Variants in MLIP observed in about 807,000 individuals in gnomAD.
MLIP encodes muscular LMNA interacting protein.
MLIP carries 79 observed loss-of-function variants against 84.8 expected under a neutral mutation model. The observed-to-expected ratio is 0.93, with a 90% confidence interval of 0.78 to 1.12. The LOEUF (loss-of-function observed/expected upper bound fraction) is 1.12. MLIP is among the 50% of genes most tolerant of loss of function. The pLI, the probability that MLIP is intolerant of heterozygous loss-of-function variation, is 0.00. For missense variants in MLIP, 1,257 were observed against 1,160.6 expected, an observed-to-expected ratio of 1.08 and a Z score of -1.21; for synonymous variants, 504 against 463.0, an observed-to-expected ratio of 1.09 and a Z score of -1.14.
intron 9 of MLIP, among the ~76,000 whole-genome samples, chr6:54,173,798 G>C (rs1451624240): frequency 1.3e-5 from 2 of 151,650 alleles, no homozygotes; most frequent in Non-Finnish European, 2.9e-5. Flanking sequence ...AATTATTATT[G>C]ATTGTGCTAT....
Position 54,064,614 on chromosome 6 carries a change from C to G in MLIP, c.63+45523C>G, listed in dbSNP as rs1289539128. ...AAATAAGAGTCAGGAACACCTAACA[C>G]AAAGAAGTTAATTTACAATTACACT... On this transcript the variant is annotated intron_variant, in intron 1 of 12. Coordinates refer to the MLIP transcript ENST00000274897. 1.9e-4 allele frequency among the ~76,000 whole-genome samples: 19 copies of G among 99,366 alleles called. 9 individuals are homozygous for G. Among genetic ancestry groups the G allele is most frequent in the Non-Finnish European group, 5.5e-4 (19 of 34,638 alleles). The allele number at this position is 99,366 out of a possible 152,430, so 65.2% of individuals were successfully genotyped here.
Position 54,065,161 on chromosome 6 carries a change from G to A in MLIP, c.63+46070G>A, listed in dbSNP as rs1228881090. On this transcript the variant is annotated intron_variant, in intron 1 of 12. Transcript: ENST00000274897. ...GGACAATAAACTTCTTTGTCCCTTG[G>A]TTTTCTTATCTGAATGGAGAAAGAG... 2.0e-5 allele frequency among the ~76,000 whole-genome samples: 2 copies of A among 100,376 alleles called. 1 individual carries two copies. Among genetic ancestry groups the A allele is most frequent in the Non-Finnish European group, 5.7e-5 (2 of 34,836 alleles). The allele number at this position is 100,376 out of a possible 152,430, so 65.9% of individuals were successfully genotyped here. A position where few individuals can be genotyped will look rare whatever the true frequency, so the allele number is the denominator to read the frequency against.
At chr6:54,260,196 G>A (rs1227606857) in intron 13 of MLIP, among the ~76,000 whole-genome samples, 2 of 151,726 alleles carry the variant, frequency 1.3e-5, no homozygotes, top group Non-Finnish European at 2.9e-5. Flanking sequence ...AATACAAACA[G>A]ATGTTAGATA....
intron 9 of MLIP, among the ~76,000 whole-genome samples, chr6:54,186,103 TAC>T (rs1436971957): frequency 1.3e-5 from 2 of 152,222 alleles, no homozygotes; most frequent in Non-Finnish European, 2.9e-5. Flanking sequence ...TCATCATTTG[TAC>T]ACAAAGCCTC....
At chr6:54,088,967 T>C (rs530261795) in intron 1 of MLIP, among the ~76,000 whole-genome samples, 1 of 152,154 alleles carries the variant, frequency 6.6e-6, no homozygotes, top group Admixed American at 6.6e-5. Flanking sequence ...TTTTTTGAGG[T>C]CTATAGCAAA....
In MLIP at chr6:54,124,468, T is replaced by C. The variant is rs925663153; in HGVS notation, c.253-5T>C. 1.2e-6 allele frequency: 2 copies of C among 1,609,738 alleles called. No homozygotes were observed. The highest frequency in any genetic ancestry group is 1.7e-6 in the Non-Finnish European group (2 of 1,177,564). On this transcript the variant is annotated splice_region_variant and splice_polypyrimidine_tract_variant and intron_variant, in intron 2 of 13. Coordinates refer to ENST00000502396, the MANE Select transcript of MLIP (RefSeq NM_001281747.2). ...AATGCTTTTATCTCTCTACATCTATTACAGTCTAAATCCAATGACTACTTG... is the reference window on the plus strand; with the variant it reads ...AATGCTTTTATCTCTCTACATCTATCACAGTCTAAATCCAATGACTACTTG...
At chr6:54,033,861 A>T (rs1764278180) in intron 1 of MLIP, among the ~76,000 whole-genome samples, 1 of 152,234 alleles carries the variant, frequency 6.6e-6, no homozygotes, top group Non-Finnish European at 1.5e-5. Context: ...TTTAGGCATC[A>T]TGGAATGGAA....
chr6:54,055,163 G>C (rs192794364), intron 1 of MLIP, among the ~76,000 whole-genome samples: 7 of 152,156 alleles, frequency 4.6e-5, no homozygotes, highest in Admixed American at 4.6e-4. Flanking sequence ...TGGGACTACT[G>C]GCGTGAGCCA....
rs1330179033 is a variant in MLIP at position 54,257,306 on chromosome 6, A to G, written c.2923-2A>G. Reference sequence around the variant, plus strand: ...CATATCCTGGGCATCTTTTCTGTGAAGCTGAGTCATCCAATGGTGGCTATT... The same window carrying G: ...CATATCCTGGGCATCTTTTCTGTGAGGCTGAGTCATCCAATGGTGGCTATT... On this transcript the variant is annotated splice_acceptor_variant, in intron 12 of 13. Transcript: ENST00000502396. LOFTEE classifies it high-confidence loss of function. 8.1e-6 allele frequency: 13 copies of G among 1,611,824 alleles called. No homozygotes were observed. Among genetic ancestry groups the G allele is most frequent in the Non-Finnish European group, 1.1e-5 (13 of 1,178,470 alleles).
chr6:54,178,603 C>A (rs760274561), intron 9 of MLIP, among the ~76,000 whole-genome samples: 1 of 152,022 alleles, frequency 6.6e-6, no homozygotes, highest in Non-Finnish European at 1.5e-5. Flanking sequence ...CATTATCATT[C>A]GTTTAAAGAA....
chr6:54,211,378 G>T (rs1202101392), intron 11 of MLIP, among the ~76,000 whole-genome samples: 1 of 152,190 alleles, frequency 6.6e-6, no homozygotes, highest in Non-Finnish European at 1.5e-5. Context: ...AGGTCTCCAT[G>T]AATTGCATGC....
chr6:54,142,294 T>A (rs1772383372), intron 4 of MLIP, among the ~76,000 whole-genome samples: 1 of 152,200 alleles, frequency 6.6e-6, no homozygotes, highest in Admixed American at 6.5e-5. Context: ...CAATCAATAA[T>A]AACCCCTCCA....
chr6:54,213,707 CAAAA>C (rs1219772069), intron 11 of MLIP, among the ~76,000 whole-genome samples: 1 of 8,470 alleles, frequency 1.2e-4, no homozygotes, highest in African/African-American at 4.3e-4. Flanking sequence ...GACTTTGTCT[CAAAA>C]AAAAAAAAAA....
At chr6:54,046,383 G>T (rs528863537) in intron 1 of MLIP, 1 of 151,168 alleles carries the variant, frequency 6.6e-6, no homozygotes, top group Non-Finnish European at 1.5e-5. Flanking sequence ...AAAGAAAAAT[G>T]TTCCCACAAT....
At chr6:54,083,529 G>A (rs925596305) in intron 1 of MLIP, 14 of 1,535,622 alleles carry the variant, frequency 9.1e-6, no homozygotes, top group African/African-American at 2.7e-5. Flanking sequence ...TGACCTTGCC[G>A]TTACAACCAC....
At chr6:54,189,994 G>A in intron 10 of MLIP, 80 bp downstream of exon 10, 1 of 936,500 alleles carries the variant, frequency 1.1e-6, no homozygotes, top group East Asian at 2.5e-5. Context: ...GTGAAAAAAA[G>A]AATACATTTA....
At chr6:54,216,796 A>T in intron 11 of MLIP, 1 of 985,382 alleles carries the variant, frequency 1.0e-6, no homozygotes, top group African/African-American at 1.7e-5. Flanking sequence ...CATATAATCG[A>T]AACCAATTTA....
chr6:54,157,853 T>C (rs749831650), intron 5 of MLIP, among the ~76,000 whole-genome samples: 4 of 152,102 alleles, frequency 2.6e-5, no homozygotes, highest in Non-Finnish European at 5.9e-5. Context: ...AAGCACAAAA[T>C]AGATTTTTGT....
chr6:54,175,882 T>C (rs1459720155), intron 9 of MLIP, among the ~76,000 whole-genome samples: 1 of 152,040 alleles, frequency 6.6e-6, no homozygotes, highest in Non-Finnish European at 1.5e-5. Flanking sequence ...CATATATGGC[T>C]TTTATTATGT....
Sources: gnomAD v4.1 joint callset for allele counts (sites outside exome capture counted in the v4.1 genomes callset) on GRCh38, gnomAD v4.1.1 for gene constraint, MANE v1.5 for transcripts, NCBI Gene and HGNC (gene_info 2026-07-23, HGNC 2026-07-21) for gene names.